The following MYO6 variants were observed in gnomAD, a reference collection of about 807,000 sequenced individuals.
MYO6 encodes unconventional myosin-VI.
In MYO6, 74 loss-of-function variants were observed where a neutral mutation model predicts 178.7. The observed-to-expected ratio is 0.41, with a 90% CI of 0.34 to 0.50. MYO6 has a LOEUF of 0.50. Among genes scored for constraint, MYO6 ranks in the 20% least tolerant of loss-of-function variants. The probability of loss-of-function intolerance (pLI) is 0.09; values close to 1 mark genes in which losing one functional copy is unlikely to be tolerated. For missense variants in MYO6, 1,330 were observed against 1,547.4 expected, an observed-to-expected ratio of 0.86 and a Z score of 2.36; for synonymous variants, 477 against 504.6, an observed-to-expected ratio of 0.95 and a Z score of 0.73.
intron 10 of MYO6, 69 bp from the exon 11 acceptor site, chr6:75,848,282 C>G (rs1459833651): frequency 7.3e-7 from 1 of 1,376,854 alleles, no homozygotes; most frequent in East Asian, 2.3e-5. Context: ...ATTAATTGAC[C>G]TGGTGTAGTA....
At chr6:75,870,052 T>TG (rs1316307932) in intron 18 of MYO6, among the ~76,000 whole-genome samples, 1 of 151,654 alleles carries the variant, frequency 6.6e-6, no homozygotes, top group African/African-American at 2.4e-5. Flanking sequence ...AGGTGGAGCT[T>TG]GCAGTGAGCC....
intron 30 of MYO6, among the ~76,000 whole-genome samples, chr6:75,902,732 C>G (rs1214448571): frequency 2.0e-5 from 3 of 150,668 alleles, no homozygotes; most frequent in Non-Finnish European, 4.4e-5. Context: ...TCCTTCAGTT[C>G]TGCTCTGATT....
chr6:75,862,562 A>T, intron 15 of MYO6, 34 bp from the exon 16 acceptor site: 2 of 1,569,084 alleles, frequency 1.3e-6, no homozygotes, highest in Non-Finnish European at 1.8e-6. Flanking sequence ...TTATGTTTTT[A>T]CACTATTGTG....
chr6:75,869,155 CT>C (rs1776938950), intron 18 of MYO6, among the ~76,000 whole-genome samples: 1 of 112,972 alleles, frequency 8.9e-6, no homozygotes, highest in South Asian at 3.0e-4. Flanking sequence ...CAGTTATTTT[CT>C]TTCCAAATTA....
At chr6:75,761,584 G>A (rs1033994002) in intron 1 of MYO6, among the ~76,000 whole-genome samples, 5 of 137,578 alleles carry the variant, frequency 3.6e-5, no homozygotes, top group Non-Finnish European at 7.6e-5. Context: ...TAGAAAATGG[G>A]CTGTTAGAAC....
intron 3 of MYO6, among the ~76,000 whole-genome samples, chr6:75,825,277 T>C (rs1164538508): frequency 3.3e-5 from 5 of 152,154 alleles, no homozygotes; most frequent in African/African-American, 1.2e-4. Context: ...TAGATGTTGA[T>C]AATAATAAAG....
At chr6:75,857,360 T>C in intron 13 of MYO6, 106 bp downstream of exon 13, 2 of 1,138,544 alleles carry the variant, frequency 1.8e-6, no homozygotes, top group Non-Finnish European at 2.6e-6. Context: ...ACTTGATGTA[T>C]GTGTAATTAT....
At chr6:75,862,406 C>T (rs1370971113) in intron 15 of MYO6, among the ~76,000 whole-genome samples, 190 bp from the exon 16 acceptor site, 1 of 152,128 alleles carries the variant, frequency 6.6e-6, no homozygotes, top group African/African-American at 2.4e-5. Context: ...TATACTGTTA[C>T]TTTTTTATAA....
intron 1 of MYO6, among the ~76,000 whole-genome samples, chr6:75,757,003 TA>T (rs550979650): frequency 2.1e-4 from 28 of 133,380 alleles, no homozygotes; most frequent in East Asian, 4.5e-4. Flanking sequence ...CACACATATA[TA>T]GTGTGTATAT....
At chr6:75,812,686 G>A (rs564689613) in intron 1 of MYO6, among the ~76,000 whole-genome samples, 9 of 151,482 alleles carry the variant, frequency 5.9e-5, no homozygotes, top group Non-Finnish European at 1.0e-4. Context: ...CCACAGATAC[G>A]TGAGAACATG....
At position 75,919,105 on chromosome 6, in the gene MYO6, G is replaced by A. The variant is rs1449943803; in HGVS notation, c.*4093G>A. The A allele has an allele frequency of 6.7e-6, 1 of 148,522 alleles. No individual in the cohort carries two copies. The highest frequency in any genetic ancestry group is 2.5e-5 in the African/African-American group (1 of 40,810). 9.2% of individuals were successfully genotyped at this position (148,522 alleles called of 1,614,324 possible). On this transcript the variant is annotated 3_prime_UTR_variant, in exon 35 of 35. Coordinates refer to ENST00000369977, the MANE Select transcript of MYO6 (RefSeq NM_004999.4). ...TTGCACTCCATCCTGGGCAACAAGA[G>A]CGAAATTCCATCTCAAAAAATAAAA...
chr6:75,791,891 T>C (rs553540929), intron 1 of MYO6, among the ~76,000 whole-genome samples: 31 of 151,656 alleles, frequency 2.0e-4, no homozygotes, highest in African/African-American at 7.5e-4. Flanking sequence ...GAAAATTGGA[T>C]GTTAAGTAAT....
intron 1 of MYO6, among the ~76,000 whole-genome samples, chr6:75,809,636 C>T (rs574833135): frequency 2.6e-5 from 4 of 151,974 alleles, no homozygotes; most frequent in Admixed American, 6.6e-5. Context: ...TGGGAAATCT[C>T]GAAGTGGGGG....
intron 1 of MYO6, among the ~76,000 whole-genome samples, chr6:75,800,409 A>G (rs1401361620): frequency 6.6e-6 from 1 of 152,150 alleles, no homozygotes; most frequent in Admixed American, 6.5e-5. Flanking sequence ...TCAGTATTTC[A>G]CAAAGCCTGA....
chr6:75,749,689 C>G (rs1776678655), intron 1 of MYO6, among the ~76,000 whole-genome samples: 1 of 152,190 alleles, frequency 6.6e-6, no homozygotes, highest in African/African-American at 2.4e-5. Context: ...TTCCCTGGCT[C>G]CCAGGTAGAA....
chr6:75,757,026 CA>C lies in MYO6; in HGVS notation c.-48+7604del, dbSNP rs200143828. Among the ~76,000 whole-genome samples the C allele has an allele frequency of 1.4e-3, 78 of 55,294 alleles. No homozygotes were observed. The East Asian group carries it at 0.019, about 14-fold the overall frequency. The allele number at this position is 55,294 out of a possible 152,430, so 36.3% of individuals were successfully genotyped here. A position where few individuals can be genotyped will look rare whatever the true frequency, so the allele number is the denominator to read the frequency against. On this transcript the variant is annotated intron_variant, in intron 1 of 34. Coordinates refer to ENST00000369977, the MANE Select transcript of MYO6 (RefSeq NM_004999.4). ...TATAGTGTGTATATATGTATACACA[CA>C]TATATAGTGTGTATATATGTGTATA...
At chr6:75,822,230 T>G (rs1771960999) in intron 2 of MYO6, among the ~76,000 whole-genome samples, 1 of 152,224 alleles carries the variant, frequency 6.6e-6, no homozygotes, top group South Asian at 2.1e-4. Flanking sequence ...CCCCAGTAGC[T>G]GGGATTACAG....
intron 1 of MYO6, among the ~76,000 whole-genome samples, chr6:75,787,730 C>CTCTATATATA (rs1767784406): frequency 2.6e-4 from 3 of 11,660 alleles, no homozygotes; most frequent in Non-Finnish European, 4.4e-4. Flanking sequence ...CTCTCTCTCT[C>CTCTATATATA]TATATATATA....
At chr6:75,750,547 T>TA (rs60342304) in intron 1 of MYO6, among the ~76,000 whole-genome samples, 2 of 151,434 alleles carry the variant, frequency 1.3e-5, no homozygotes, top group Non-Finnish European at 2.9e-5. Flanking sequence ...TTTTTTTTTT[T>TA]AATGCTCTGG....
Sources: gnomAD v4.1 joint callset for allele counts (sites outside exome capture counted in the v4.1 genomes callset) on GRCh38, gnomAD v4.1.1 for gene constraint, MANE v1.5 for transcripts, NCBI Gene and HGNC (gene_info 2026-07-23, HGNC 2026-07-21) for gene names.